NRG1: variants seen among roughly 807,000 people sequenced by gnomAD.
NRG1 encodes the protein neuregulin 1.
A neutral mutation model predicts 63.8 loss-of-function variants in NRG1; 18 were observed. The ratio of observed to expected loss-of-function variants is 0.28; its 90% CI spans 0.19 to 0.42. The LOEUF (loss-of-function observed/expected upper bound fraction) is 0.42. Among genes scored for constraint, NRG1 ranks in the 10% least tolerant of loss-of-function variants. The probability of loss-of-function intolerance (pLI) is 1.00; values close to 1 mark genes in which losing one functional copy is unlikely to be tolerated. For synonymous variants in NRG1, 302 were observed against 301.3 expected (o/e 1.00, Z -0.02); for missense variants, 762 against 814.7 (o/e 0.94, Z 0.79).
chr8:32,335,347 ACAATTG>A, intron 1 of NRG1, among the ~76,000 whole-genome samples: 1 of 152,306 alleles, frequency 6.6e-6, no homozygotes, highest in South Asian at 2.1e-4. Flanking sequence ...TTTCCAGAAA[ACAATTG>A]TGATTAAGGA....
chr8:31,953,245 G>A (rs1038575799), intron 1 of NRG1, among the ~76,000 whole-genome samples: 7 of 152,252 alleles, frequency 4.6e-5, no homozygotes, highest in East Asian at 1.9e-4. Context: ...TTTGAAATGC[G>A]TCAACAAATA....
intron 1 of NRG1, among the ~76,000 whole-genome samples, chr8:32,519,544 T>C (rs1830139326): frequency 6.6e-6 from 1 of 151,934 alleles, no homozygotes; most frequent in Admixed American, 6.6e-5. Flanking sequence ...ATTTTCAGAG[T>C]TGGATAGAAA....
intron 1 of NRG1, among the ~76,000 whole-genome samples, chr8:32,371,126 T>A (rs1808792985): frequency 6.6e-6 from 1 of 152,040 alleles, no homozygotes; most frequent in Non-Finnish European, 1.5e-5. Flanking sequence ...ACAGGAGAAT[T>A]GCTTGAACCC....
At chr8:32,287,569 T>C (rs1274267568) in intron 1 of NRG1, 3 of 152,224 alleles carry the variant, frequency 2.0e-5, no homozygotes, top group African/African-American at 7.2e-5. Context: ...TTCCATGTGT[T>C]CTTGGACCTT....
At chr8:31,704,764 G>A (rs1810968489) in intron 1 of NRG1, among the ~76,000 whole-genome samples, 1 of 150,472 alleles carries the variant, frequency 6.6e-6, no homozygotes, top group Non-Finnish European at 1.5e-5. Flanking sequence ...CCTGGGAGGT[G>A]GAGCTTGCAG....
intron 1 of NRG1, among the ~76,000 whole-genome samples, chr8:32,353,328 T>A (rs1805891968): frequency 6.6e-6 from 1 of 150,990 alleles, no homozygotes; most frequent in South Asian, 2.1e-4. Context: ...ATAAAGGTAA[T>A]AATTTAAATA....
intron 1 of NRG1, among the ~76,000 whole-genome samples, chr8:31,747,022 G>A (rs530384374): frequency 6.6e-6 from 1 of 152,054 alleles, no homozygotes; most frequent in South Asian, 2.1e-4. Flanking sequence ...AAGGGTAGTG[G>A]GGGCTGGTGG....
intron 1 of NRG1, among the ~76,000 whole-genome samples, chr8:32,282,276 C>G (rs921380861): frequency 1.3e-5 from 2 of 152,238 alleles, no homozygotes; most frequent in African/African-American, 2.4e-5. Flanking sequence ...TCCCCTCTCT[C>G]TCTGTTTCAA....
chr8:32,298,046 C>T (rs910305707), intron 1 of NRG1, among the ~76,000 whole-genome samples: 1 of 152,166 alleles, frequency 6.6e-6, no homozygotes, highest in African/African-American at 2.4e-5. Context: ...TTAAAATATG[C>T]AATGCATATG....
At chr8:31,657,301 T>G (rs1312640314) in intron 1 of NRG1, among the ~76,000 whole-genome samples, 2 of 152,142 alleles carry the variant, frequency 1.3e-5, no homozygotes, top group African/African-American at 4.8e-5. Flanking sequence ...TTTTTAAAAA[T>G]GGGGGAAAGA....
At chr8:31,983,099 A>ATCCTT (rs1197968165) in intron 1 of NRG1, among the ~76,000 whole-genome samples, 3 of 152,122 alleles carry the variant, frequency 2.0e-5, no homozygotes, top group Non-Finnish European at 4.4e-5. Flanking sequence ...ATTAGAGGCT[A>ATCCTT]TCAGCCCCCT....
At chr8:32,342,687 A>C (rs1804223203) in intron 1 of NRG1, among the ~76,000 whole-genome samples, 1 of 152,232 alleles carries the variant, frequency 6.6e-6, no homozygotes, top group African/African-American at 2.4e-5. Context: ...TATCATATTT[A>C]AGAATACAGT....
intron 1 of NRG1, among the ~76,000 whole-genome samples, chr8:32,315,370 G>T (rs898798912): frequency 9.9e-5 from 15 of 152,140 alleles, no homozygotes; most frequent in Admixed American, 9.8e-4. Context: ...GTTTGCTGAG[G>T]ATGGTGGCTT....
In NRG1 at chr8:31,812,619, A is replaced by G. The variant is rs1207926850; in HGVS notation, c.37+173188A>G. Among the ~76,000 whole-genome samples the G allele has an allele frequency of 4.7e-5, 6 of 127,614 alleles. No homozygotes were observed. In the East Asian group the frequency reaches 1.3e-3, roughly 28 times the overall value. 83.7% of individuals were successfully genotyped at this position (127,614 alleles called of 152,430 possible). The stretch of plus-strand genomic sequence containing the variant: ...CCTTTTTTATCTCCTCTCCTTGCCC[A>G]TCCCCTTTCCTCCCTTCCCATCCCC... On this transcript the variant is annotated intron_variant, in intron 1 of 10. Coordinates refer to the NRG1 transcript ENST00000519301.
chr8:31,921,947 A>C (rs1833958531), intron 1 of NRG1, among the ~76,000 whole-genome samples: 1 of 152,136 alleles, frequency 6.6e-6, no homozygotes, highest in Non-Finnish European at 1.5e-5. Context: ...TCTATGAAGG[A>C]AAAGAAATTT....
intron 1 of NRG1, among the ~76,000 whole-genome samples, chr8:31,874,911 T>C (rs533409323): frequency 4.6e-5 from 7 of 152,224 alleles, no homozygotes; most frequent in Non-Finnish European, 8.8e-5. Flanking sequence ...GAGCTTCTTA[T>C]ACTTTTCTTT....
At chr8:32,367,820 T>G (rs1433293404) in intron 1 of NRG1, among the ~76,000 whole-genome samples, 1 of 152,206 alleles carries the variant, frequency 6.6e-6, no homozygotes, top group Non-Finnish European at 1.5e-5. Context: ...AATTTAAGTC[T>G]TCAATCCATT....
At chr8:32,682,538 A>C (rs1469089413) in intron 5 of NRG1, among the ~76,000 whole-genome samples, 1 of 152,214 alleles carries the variant, frequency 6.6e-6, no homozygotes, top group African/African-American at 2.4e-5. Context: ...TTTTCTAAAT[A>C]CATTGGCTGG....
intron 1 of NRG1, among the ~76,000 whole-genome samples, chr8:32,412,654 C>G (rs1815273043): frequency 6.6e-6 from 1 of 151,644 alleles, no homozygotes; most frequent in Non-Finnish European, 1.5e-5. Context: ...TAACCTGATG[C>G]ACACTGAGGC....
Sources: gnomAD v4.1 joint callset for allele counts (sites outside exome capture counted in the v4.1 genomes callset) on GRCh38, gnomAD v4.1.1 for gene constraint, MANE v1.5 for transcripts, NCBI Gene and HGNC (gene_info 2026-07-23, HGNC 2026-07-21) for gene names.